The following EML6 variants were observed in gnomAD, a reference collection of about 807,000 sequenced individuals.
The protein encoded by EML6 is echinoderm microtubule-associated protein-like 6.
EML6 carries 154 observed loss-of-function variants against 240.1 expected under a neutral mutation model. The ratio of observed to expected loss-of-function variants is 0.64; its 90% CI spans 0.56 to 0.73. The LOEUF (loss-of-function observed/expected upper bound fraction) is 0.73, where lower values mean the gene tolerates loss of function less well. Among genes scored for constraint, EML6 ranks in the 30% least tolerant of loss-of-function variants. The probability of loss-of-function intolerance (pLI) is 0.00; values close to 1 mark genes in which losing one functional copy is unlikely to be tolerated. For missense variants in EML6, 2,964 were observed against 2,474.6 expected, an observed-to-expected ratio of 1.20 and a Z score of -4.20; for synonymous variants, 1,148 against 899.0, an observed-to-expected ratio of 1.28 and a Z score of -4.95.
chr2:54,826,245 G>A (rs1668586778), intron 5 of EML6, among the ~76,000 whole-genome samples: 2 of 152,150 alleles, frequency 1.3e-5, no homozygotes, highest in Non-Finnish European at 2.9e-5. Context: ...TAAAGGTTTT[G>A]ATAGGATCAA....
At chr2:54,793,567 C>G (rs1032094943) in intron 2 of EML6, among the ~76,000 whole-genome samples, 1 of 152,106 alleles carries the variant, frequency 6.6e-6, no homozygotes, top group East Asian at 1.9e-4. Flanking sequence ...GCAACATAGG[C>G]AATTGTTTCA....
At chr2:54,748,995 A>G (rs547556553) in intron 2 of EML6, among the ~76,000 whole-genome samples, 3 of 152,338 alleles carry the variant, frequency 2.0e-5, no homozygotes, top group Non-Finnish European at 4.4e-5. Context: ...TTTCTAGAGT[A>G]TATGCGTGTT....
intron 10 of EML6, among the ~76,000 whole-genome samples, chr2:54,852,331 A>G (rs1366344372): frequency 6.6e-6 from 1 of 152,224 alleles, no homozygotes; most frequent in African/African-American, 2.4e-5. Context: ...TCTTCAGTGT[A>G]CCATTGCAGA....
chr2:54,968,288 G>A lies in EML6; in HGVS notation c.5751+7G>A, dbSNP rs1388280488. ...TCCATGCACAGAAAAATTTGTGAGTGTTCCTCAGAGTAACCTCCCTGCAGG... is the reference window on the plus strand; with the variant it reads ...TCCATGCACAGAAAAATTTGTGAGTATTCCTCAGAGTAACCTCCCTGCAGG... On this transcript the variant is annotated splice_region_variant and intron_variant, in intron 40 of 41. Coordinates refer to ENST00000356458, the MANE Select transcript of EML6 (RefSeq NM_001039753.4). 1.3e-6 allele frequency: 2 copies of A among 1,551,538 alleles called. No individual in the cohort carries two copies. Among genetic ancestry groups the A allele is most frequent in the South Asian group, 2.4e-5 (2 of 84,066 alleles).
intron 41 of EML6, 42 bp downstream of exon 41, chr2:54,968,810 C>A: frequency 1.8e-6 from 2 of 1,088,738 alleles, no homozygotes; most frequent in Non-Finnish European, 2.7e-6. Flanking sequence ...ACAGGCCTGG[C>A]CAGCTCTCCC....
intron 11 of EML6, among the ~76,000 whole-genome samples, chr2:54,856,433 G>A (rs972745831): frequency 2.0e-5 from 3 of 152,140 alleles, no homozygotes; most frequent in African/African-American, 7.2e-5. Flanking sequence ...ACCCACAAAA[G>A]TATCCATGTC....
At chr2:54,867,022 T>G in intron 14 of EML6, 138 bp downstream of exon 14, 1 of 540,164 alleles carries the variant, frequency 1.9e-6, no homozygotes. Flanking sequence ...CAATGTGCAC[T>G]TGTACCTGTG....
intron 7 of EML6, among the ~76,000 whole-genome samples, chr2:54,843,115 C>T (rs890662013): frequency 2.0e-5 from 3 of 152,180 alleles, no homozygotes; most frequent in African/African-American, 7.2e-5. Context: ...TGATTCTTCT[C>T]TGATAGCAAA....
chr2:54,940,980 TAC>T (rs2104446109), intron 28 of EML6, among the ~76,000 whole-genome samples: 1 of 152,318 alleles, frequency 6.6e-6, no homozygotes, highest in Non-Finnish European at 1.5e-5. Flanking sequence ...CATAAGTGAC[TAC>T]GAGAAAACGG....
chr2:54,916,849 A>T lies in EML6; in HGVS notation c.3589A>T (p.Asn1197Tyr). 1 of 1,551,140 alleles carries T rather than the reference A, an allele frequency of 6.4e-7. No individual in the cohort carries two copies. Among genetic ancestry groups the T allele is most frequent in the Non-Finnish European group, 8.7e-7 (1 of 1,146,512 alleles). Residue 1197 changes from asparagine (N) to tyrosine (Y), a missense_variant, in exon 26 of 42, where the codon AAT becomes TAT. Physicochemically the swap from Asn to Tyr is moderately radical, Grantham distance 143. Coordinates refer to ENST00000356458, the MANE Select transcript of EML6 (RefSeq NM_001039753.4). ...AGCACATAGCGATATAACTGACGTA[A>T]ATGCTGCCAGTCTTACCAAAGACTG... ...WPAHSDITDV[N>Y]AASLTKDCSL... is the part of the protein sequence containing the mutation.
chr2:54,728,506 C>T (rs1209924818), intron 2 of EML6, among the ~76,000 whole-genome samples: 1 of 152,146 alleles, frequency 6.6e-6, no homozygotes, highest in Admixed American at 6.5e-5. Context: ...GCACTGACTT[C>T]GTTATCATGC....
Position 54,894,906 on chromosome 2 carries a change from C to A in EML6, c.2743-9C>A, listed in dbSNP as rs1477544029. On this transcript the variant is annotated splice_polypyrimidine_tract_variant and intron_variant, in intron 19 of 41. Coordinates refer to ENST00000356458, the MANE Select transcript of EML6 (RefSeq NM_001039753.4). ...GTGTATATAATACCTCTCATGTGTG[C>A]CTTCACAGGGCTTTGTAACAGGTGG... is the stretch of plus-strand genomic sequence containing the variant. 2 of 1,540,782 alleles carry A rather than the reference C, an allele frequency of 1.3e-6. No homozygotes were observed. Among genetic ancestry groups the A allele is most frequent in the East Asian group, 4.9e-5 (2 of 40,858 alleles).
chr2:54,792,801 G>C (rs1040761257), intron 2 of EML6, among the ~76,000 whole-genome samples: 1 of 152,182 alleles, frequency 6.6e-6, no homozygotes, highest in African/African-American at 2.4e-5. Context: ...GTTCACAAGG[G>C]CCTTTTAAGG....
rs1435073437 is a variant in EML6, at chr2:54,895,308, A to T, written c.2890A>T (p.Ile964Phe). The T allele has an allele frequency of 6.4e-7, 1 of 1,551,756 alleles. No individual in the cohort carries two copies. The highest frequency in any genetic ancestry group is 1.4e-5 in the African/African-American group (1 of 73,028). Reference sequence around the variant, plus strand: ...GGAAGATAACCCTTCAATTCGTGCCATCACTTTGGGACATGGACATATCCT... The same window carrying T: ...GGAAGATAACCCTTCAATTCGTGCCTTCACTTTGGGACATGGACATATCCT... ...LLEDNPSIRA[I>F]TLGHGHILVG... Residue 964 changes from isoleucine to phenylalanine, a missense_variant, in exon 21 of 42, where the codon ATC (isoleucine) becomes TTC (phenylalanine). Coordinates refer to ENST00000356458, the MANE Select transcript of EML6 (RefSeq NM_001039753.4).
At chr2:54,907,958 T>TA (rs200040007) in intron 24 of EML6, among the ~76,000 whole-genome samples, 6 of 49,572 alleles carry the variant, frequency 1.2e-4, no homozygotes, top group African/African-American at 2.5e-4. Context: ...GATAGATAGA[T>TA]AGATAGATAG....
chr2:54,758,589 A>G (rs939481617), intron 2 of EML6, among the ~76,000 whole-genome samples: 2 of 151,810 alleles, frequency 1.3e-5, no homozygotes, highest in Admixed American at 6.6e-5. Flanking sequence ...ACTTCCTCCA[A>G]CGTAGTACTT....
intron 2 of EML6, among the ~76,000 whole-genome samples, chr2:54,808,710 TTTG>T (rs367668765): frequency 2.0e-5 from 3 of 152,170 alleles, no homozygotes; most frequent in South Asian, 2.1e-4. Flanking sequence ...TGATGAGTGT[TTTG>T]TTGTTGTTGT....
At chr2:54,783,076 G>A (rs1028761815) in intron 2 of EML6, among the ~76,000 whole-genome samples, 1 of 152,020 alleles carries the variant, frequency 6.6e-6, no homozygotes, top group Non-Finnish European at 1.5e-5. Context: ...AGTTAATATA[G>A]GTATGTATGC....
intron 11 of EML6, among the ~76,000 whole-genome samples, chr2:54,858,890 C>G (rs1670527662): frequency 1.3e-5 from 2 of 152,194 alleles, no homozygotes; most frequent in Admixed American, 6.5e-5. Context: ...CTCCTGAAAT[C>G]TACCATGGAC....
Sources: gnomAD v4.1 joint callset for allele counts (sites outside exome capture counted in the v4.1 genomes callset) on GRCh38, gnomAD v4.1.1 for gene constraint, MANE v1.5 for transcripts, NCBI Gene and HGNC (gene_info 2026-07-23, HGNC 2026-07-21) for gene names.